Variants in CCNH observed in about 807,000 individuals in gnomAD.
CCNH encodes the protein cyclin H.
A neutral mutation model predicts 41.9 loss-of-function variants in CCNH; 31 were observed. That is an observed-to-expected ratio of 0.74 (90% confidence interval 0.56 to 1.00). The LOEUF (loss-of-function observed/expected upper bound fraction) is 1.00, where lower values mean the gene tolerates loss of function less well. CCNH is among the 50% of genes least tolerant of loss of function. The pLI, the probability that CCNH is intolerant of heterozygous loss-of-function variation, is 0.00. For synonymous variants in CCNH, 138 were observed against 136.1 expected, an observed-to-expected ratio of 1.01 and a Z score of -0.10; for missense variants, 362 against 388.4, an observed-to-expected ratio of 0.93 and a Z score of 0.57.
intron 2 of CCNH, 122 bp downstream of exon 2, chr5:87,411,102 C>A: frequency 1.0e-6 from 1 of 1,003,450 alleles, no homozygotes; most frequent in East Asian, 2.7e-5. Flanking sequence ...TATAATGTGC[C>A]AAAAACTAAT....
chr5:87,409,280 A>G lies in CCNH; in HGVS notation c.314+10T>C. 1 of 1,425,422 alleles carries G rather than the reference A, an allele frequency of 7.0e-7. No homozygotes were observed. The highest frequency in any genetic ancestry group is 9.8e-7 in the Non-Finnish European group (1 of 1,015,258). The allele number at this position is 1,425,422 out of a possible 1,614,324, so 88.3% of individuals were successfully genotyped here. A position where few individuals can be genotyped will look rare whatever the true frequency, so the allele number is the denominator to read the frequency against. On this transcript the variant is annotated intron_variant, in intron 3 of 8. Transcript: ENST00000256897. The stretch of plus-strand genomic sequence containing the variant: ...TAAATGAAAACAATATATTAGACAG[A>G]CATACTCACATTATTATCCTGGGGT...
At chr5:87,324,322 G>A (rs1260720957) in intron 9 of CCNH, among the ~76,000 whole-genome samples, 1 of 152,148 alleles carries the variant, frequency 6.6e-6, no homozygotes, top group East Asian at 1.9e-4. Flanking sequence ...TTTGATCAGT[G>A]CATAACATTT....
chr5:87,357,521 C>T (rs924339742), intron 9 of CCNH, among the ~76,000 whole-genome samples: 12 of 151,932 alleles, frequency 7.9e-5, no homozygotes, highest in South Asian at 2.1e-4. Flanking sequence ...CTGGCTAACA[C>T]GGTGAAACCC....
intron 9 of CCNH, chr5:87,346,696 A>G: frequency 6.4e-7 from 1 of 1,553,232 alleles, no homozygotes; most frequent in South Asian, 1.1e-5. Context: ...AGATTTCCAA[A>G]CAGGAAGCTT....
chr5:87,373,313 A>G (rs1217084728), downstream of CCNH, among the ~76,000 whole-genome samples: 2 of 152,140 alleles, frequency 1.3e-5, no homozygotes, highest in East Asian at 3.9e-4. Context: ...TGTATTAGGT[A>G]TTACAAGTAA....
intron 5 of CCNH, 35 bp from the exon 6 acceptor site, chr5:87,401,807 C>A: frequency 8.2e-7 from 1 of 1,223,344 alleles, no homozygotes; most frequent in Non-Finnish European, 1.1e-6. Context: ...CTATTGAAAA[C>A]ATACAGCACA....
chr5:87,362,754 A>G (rs1760211631), intron 9 of CCNH: 28 of 1,486,162 alleles, frequency 1.9e-5, no homozygotes, highest in Non-Finnish European at 2.4e-5. Context: ...TATATATTTA[A>G]TAAGTTTTGA....
chr5:87,373,509 G>T (rs147811613), downstream of CCNH, among the ~76,000 whole-genome samples: 5 of 152,224 alleles, frequency 3.3e-5, no homozygotes, highest in South Asian at 1.0e-3. Context: ...ATTACAACCT[G>T]TAGTGTAGAC....
At chr5:87,351,524 T>G (rs1342775736) in intron 9 of CCNH, among the ~76,000 whole-genome samples, 1 of 151,722 alleles carries the variant, frequency 6.6e-6, no homozygotes, top group Non-Finnish European at 1.5e-5. Flanking sequence ...GCTAAATGCA[T>G]TACAAAAATT....
chr5:87,410,763 A>C (rs1377905635), intron 2 of CCNH, among the ~76,000 whole-genome samples: 1 of 152,180 alleles, frequency 6.6e-6, no homozygotes, highest in Non-Finnish European at 1.5e-5. Context: ...AATCTTTTTC[A>C]CCAAAGATAA....
chr5:87,340,378 T>G (rs1356169564), intron 9 of CCNH, among the ~76,000 whole-genome samples: 1 of 152,114 alleles, frequency 6.6e-6, no homozygotes, highest in African/African-American at 2.4e-5. Flanking sequence ...GATTAACTCC[T>G]TTTGGGCAGT....
At position 87,412,677 on chromosome 5, in the gene CCNH, C is replaced by T. The variant is rs1346798277; in HGVS notation, c.117+1G>A. Reference sequence around the variant, plus strand: ...CTGGGCAACCGTTGGGAAAACCTCACCTTCCCGTTGGCCACGGCTTTGCAT... The same window carrying T: ...CTGGGCAACCGTTGGGAAAACCTCATCTTCCCGTTGGCCACGGCTTTGCAT... On this transcript the variant is annotated splice_donor_variant, in intron 1 of 8. Coordinates refer to ENST00000256897, the MANE Select transcript of CCNH (RefSeq NM_001239.4). LOFTEE classifies it high-confidence loss of function. 1 of 1,613,834 alleles carries T rather than the reference C, an allele frequency of 6.2e-7. No individual in the cohort carries two copies. The highest frequency in any genetic ancestry group is 1.7e-5 in the Admixed American group (1 of 59,972).
chr5:87,338,619 G>A (rs182930070), intron 9 of CCNH, among the ~76,000 whole-genome samples: 31 of 146,898 alleles, frequency 2.1e-4, no homozygotes, highest in African/African-American at 7.8e-4. Context: ...TGTTCCACCC[G>A]CCTTAGCCTC....
chr5:87,338,524 TA>T lies in CCNH; in HGVS notation c.*91-19628del, dbSNP rs1561292378. ...TTTTATATATATATATATATATATA[TA>T]TATATATAAAATTTTTTTTTTTTTT... On this transcript the variant is annotated intron_variant and NMD_transcript_variant, in intron 9 of 9. Coordinates refer to the CCNH transcript ENST00000645953. Among the ~76,000 whole-genome samples, 33 of 99,754 alleles carry T rather than the reference TA, an allele frequency of 3.3e-4. 3 individuals are homozygous for T. In the East Asian group the frequency reaches 8.1e-3, roughly 25 times the overall value. 65.4% of individuals were successfully genotyped at this position (99,754 alleles called of 152,430 possible).
At chr5:87,372,647 C>CTA (rs1761032936), downstream of CCNH, among the ~76,000 whole-genome samples, 1 of 152,122 alleles carries the variant, frequency 6.6e-6, no homozygotes, top group East Asian at 1.9e-4. Flanking sequence ...GTAACATGCC[C>CTA]TATACTTTGA....
At chr5:87,313,377 C>T in the CCNH span, among the ~76,000 whole-genome samples, 3 of 152,030 alleles carry the variant, frequency 2.0e-5, no homozygotes, top group African/African-American at 2.4e-5. Flanking sequence ...GGAAGCCGGG[C>T]TTTACCAAGA....
At chr5:87,343,801 A>G (rs974046325) in intron 9 of CCNH, among the ~76,000 whole-genome samples, 2 of 152,198 alleles carry the variant, frequency 1.3e-5, no homozygotes, top group Non-Finnish European at 2.9e-5. Context: ...AATAGCCGAG[A>G]TGTTTAATCA....
At chr5:87,328,431 A>G (rs1369591438) in intron 9 of CCNH, among the ~76,000 whole-genome samples, 1 of 152,124 alleles carries the variant, frequency 6.6e-6, no homozygotes, top group Non-Finnish European at 1.5e-5. Flanking sequence ...TTGATTAAAT[A>G]TGTTTTCTTG....
intron 9 of CCNH, chr5:87,383,678 T>TAA (rs368117332): frequency 1.9e-3 from 2,548 of 1,310,468 alleles, no homozygotes; most frequent in Non-Finnish European, 2.2e-3. Flanking sequence ...AGGTGTTTTC[T>TAA]AAAAAAAAAA....
Sources: gnomAD v4.1 joint callset for allele counts (sites outside exome capture counted in the v4.1 genomes callset) on GRCh38, gnomAD v4.1.1 for gene constraint, MANE v1.5 for transcripts, NCBI Gene and HGNC (gene_info 2026-07-23, HGNC 2026-07-21) for gene names.